Variants in RYR2 observed in about 807,000 individuals in gnomAD.
RYR2 encodes the protein ryanodine receptor 2, also known as cardiac muscle ryanodine receptor-calcium release channel.
A neutral mutation model predicts 601.1 loss-of-function variants in RYR2; 227 were observed. That is an observed-to-expected ratio of 0.38 (90% CI 0.34 to 0.42). RYR2 has a LOEUF of 0.42. Among genes scored for constraint, RYR2 ranks in the 10% least tolerant of loss-of-function variants. The pLI is 1.00. For missense variants in RYR2, 4,646 were observed against 6,156.5 expected (o/e 0.75, Z 8.21); for synonymous variants, 2,223 against 2,175.1 (o/e 1.02, Z -0.61).
intron 1 of RYR2, among the ~76,000 whole-genome samples, chr1:237,130,037 G>A (rs1318996015): frequency 1.3e-5 from 2 of 152,080 alleles, no homozygotes; most frequent in Non-Finnish European, 2.9e-5. Context: ...GAGATCTATT[G>A]TACAGCATGG....
chr1:237,428,894 A>G (rs1706490261), intron 12 of RYR2, among the ~76,000 whole-genome samples: 1 of 152,172 alleles, frequency 6.6e-6, no homozygotes, highest in African/African-American at 2.4e-5. Context: ...TCTTAGTATT[A>G]GGAGATATCA....
chr1:237,202,148 A>G (rs1681265276), intron 1 of RYR2, among the ~76,000 whole-genome samples: 1 of 152,252 alleles, frequency 6.6e-6, no homozygotes, highest in South Asian at 2.1e-4. Flanking sequence ...TAACACCATT[A>G]AAATATGATA....
intron 2 of RYR2, among the ~76,000 whole-genome samples, chr1:237,288,601 GTA>G (rs1691833830): frequency 6.6e-6 from 1 of 152,014 alleles, no homozygotes. Context: ...GGGAAAGCCA[GTA>G]GTCACAGGCC....
intron 29 of RYR2, among the ~76,000 whole-genome samples, chr1:237,582,449 T>G (rs1674027240): frequency 6.6e-6 from 1 of 152,096 alleles, no homozygotes; most frequent in Non-Finnish European, 1.5e-5. Flanking sequence ...AACTTTGATT[T>G]TAGATTCAGA....
intron 1 of RYR2, among the ~76,000 whole-genome samples, chr1:237,150,423 G>A (rs1465101685): frequency 6.6e-6 from 1 of 152,188 alleles, no homozygotes; most frequent in Non-Finnish European, 1.5e-5. Context: ...CAAGTTTCTA[G>A]ATAGGGCTGG....
intron 27 of RYR2, among the ~76,000 whole-genome samples, chr1:237,551,151 T>C (rs528647217): frequency 2.5e-4 from 38 of 152,332 alleles, no homozygotes; most frequent in Middle Eastern, 3.4e-3. Context: ...TTACAATAGA[T>C]ACTCAATAAC....
At chr1:237,796,220 T>C (rs542188337) in intron 96 of RYR2, among the ~76,000 whole-genome samples, 20 of 152,168 alleles carry the variant, frequency 1.3e-4, no homozygotes, top group South Asian at 6.2e-4. Context: ...AATTTGAACA[T>C]TTTATTCCTA....
intron 84 of RYR2, among the ~76,000 whole-genome samples, chr1:237,766,257 T>C (rs1275993061): frequency 1.3e-5 from 2 of 152,220 alleles, no homozygotes; most frequent in Non-Finnish European, 2.9e-5. Context: ...CTATGTGTAT[T>C]GTTAAATGAT....
chr1:237,319,529 G>T (rs562544490), intron 2 of RYR2, among the ~76,000 whole-genome samples: 30 of 152,118 alleles, frequency 2.0e-4, no homozygotes, highest in African/African-American at 7.2e-4. Flanking sequence ...TCCTTGATGG[G>T]TGGCCAATAA....
intron 70 of RYR2, 112 bp downstream of exon 70, chr1:237,709,679 T>C (rs1688671771): frequency 1.7e-6 from 1 of 579,458 alleles, no homozygotes; most frequent in Non-Finnish European, 3.0e-6. Context: ...CCTGAGGAGT[T>C]TGAGGGAATA....
intron 1 of RYR2, among the ~76,000 whole-genome samples, chr1:237,096,306 T>C (rs1667501839): frequency 6.6e-6 from 1 of 152,242 alleles, no homozygotes; most frequent in Non-Finnish European, 1.5e-5. Flanking sequence ...TGGAACTCTT[T>C]TCTTCAGCTC....
chr1:237,651,742 A>G (rs558506032), intron 51 of RYR2, among the ~76,000 whole-genome samples: 1 of 152,350 alleles, frequency 6.6e-6, no homozygotes, highest in African/African-American at 2.4e-5. Context: ...ATCAATTGAA[A>G]AAAAAGGACC....
intron 18 of RYR2, among the ~76,000 whole-genome samples, chr1:237,492,192 C>T (rs573349816): frequency 2.6e-5 from 4 of 152,164 alleles, no homozygotes; most frequent in South Asian, 2.1e-4. Flanking sequence ...CCACCATGCC[C>T]GGCTAATTTT....
chr1:237,357,866 A>G (rs1050540747), intron 4 of RYR2, among the ~76,000 whole-genome samples: 1 of 152,196 alleles, frequency 6.6e-6, no homozygotes, highest in African/African-American at 2.4e-5. Context: ...TGATGCCAAA[A>G]TACATGTTCA....
Position 237,722,987 on chromosome 1 carries a change from C to T in RYR2, c.10555-141C>T, listed in dbSNP as rs926648041. ...CTCCAGACCTGTTCATCCTACATAA[C>T]TGCAGCTGCGCGTCATGTCTTAACT... On this transcript the variant is annotated intron_variant, in intron 73 of 104. Transcript: ENST00000366574. 1.5e-5 allele frequency: 10 copies of T among 649,904 alleles called. No homozygotes were observed. In the African/African-American group the frequency reaches 1.6e-4, roughly 11 times the overall value. 40.3% of individuals were successfully genotyped at this position (649,904 alleles called of 1,614,324 possible). A position where few individuals can be genotyped will look rare whatever the true frequency, so the allele number is the denominator to read the frequency against.
At chr1:237,656,026 A>T in intron 53 of RYR2, 42 bp downstream of exon 53, 1 of 1,590,712 alleles carries the variant, frequency 6.3e-7, no homozygotes, top group Non-Finnish European at 8.6e-7. Flanking sequence ...ATTGTAAATG[A>T]TGTGTGAAGT....
intron 2 of RYR2, among the ~76,000 whole-genome samples, chr1:237,309,376 G>A (rs1466085291): frequency 1.3e-5 from 2 of 151,202 alleles, no homozygotes; most frequent in Non-Finnish European, 2.9e-5. Flanking sequence ...GCTGATTGGT[G>A]TATTTACAAT....
At chr1:237,720,676 G>A (rs1689642964) in intron 73 of RYR2, among the ~76,000 whole-genome samples, 1 of 152,142 alleles carries the variant, frequency 6.6e-6, no homozygotes, top group Non-Finnish European at 1.5e-5. Context: ...AAGGGTGCAG[G>A]GGATCCCCAG....
At chr1:237,119,137 G>C (rs1340982544) in intron 1 of RYR2, among the ~76,000 whole-genome samples, 2 of 152,134 alleles carry the variant, frequency 1.3e-5, no homozygotes, top group Non-Finnish European at 2.9e-5. Context: ...TCATTAGGTT[G>C]GGTCTTAATC....
Sources: gnomAD v4.1 joint callset for allele counts (sites outside exome capture counted in the v4.1 genomes callset) on GRCh38, gnomAD v4.1.1 for gene constraint, MANE v1.5 for transcripts, NCBI Gene and HGNC (gene_info 2026-07-23, HGNC 2026-07-21) for gene names.